Variants in ATR observed in about 807,000 individuals in gnomAD.
The protein encoded by ATR is ATR checkpoint kinase.
Under a neutral mutation model 305.3 loss-of-function variants are expected in ATR, and 142 were observed. The observed-to-expected ratio is 0.47, with a 90% CI of 0.41 to 0.53. The LOEUF is 0.53. ATR is among the 20% of genes least tolerant of loss of function. The pLI is 0.00. For synonymous variants in ATR, 1,050 were observed against 1,068.1 expected, an observed-to-expected ratio of 0.98 and a Z score of 0.33; for missense variants, 2,135 against 3,133.1, an observed-to-expected ratio of 0.68 and a Z score of 7.60.
intron 36 of ATR, among the ~76,000 whole-genome samples, chr3:142,480,553 C>T (rs1232113421): frequency 3.3e-5 from 5 of 152,230 alleles, no homozygotes; most frequent in African/African-American, 4.8e-5. Context: ...CTTGAGGAGG[C>T]AGTCTGTCAG....
rs765718925 is a variant in ATR, at chr3:142,562,608, G to A, written c.794C>T (p.Pro265Leu). The A allele has an allele frequency of 6.2e-7, 1 of 1,614,050 alleles. No individual in the cohort carries two copies. The highest frequency in any genetic ancestry group is 1.1e-5 in the South Asian group (1 of 91,066). ...LFQLGGLPAQ[P>L]ASTFFSSFLE... ...AAATGAGCTGAAAAAAGTGCTAGCT[G>A]GTTGTGCTGGTAGTCCTCCAAGCTG... Residue 265 changes from proline to leucine, a missense_variant, in exon 4 of 47, where the codon CCA becomes CTA. Transcript: ENST00000350721.
chr3:142,572,372 C>CTTTTTTTTTTTTT (rs11318957), intron 1 of ATR, among the ~76,000 whole-genome samples: 9 of 56,810 alleles, frequency 1.6e-4, no homozygotes, highest in African/African-American at 2.0e-4. Context: ...CCCGGCCTGA[C>CTTTTTTTTTTTTT]TTTTTTTTTT....
intron 8 of ATR, among the ~76,000 whole-genome samples, chr3:142,557,149 C>T (rs78245146): frequency 0.051 from 7,764 of 151,900 alleles, 674 homozygotes; most frequent in African/African-American, 0.18. Context: ...GCATAAGATT[C>T]CCCATTTCTT....
At chr3:142,525,958 C>A (rs983858584) in intron 21 of ATR, among the ~76,000 whole-genome samples, 1 of 152,174 alleles carries the variant, frequency 6.6e-6, no homozygotes, top group Non-Finnish European at 1.5e-5. Context: ...GGGTAATTTA[C>A]TATAATTCCT....
In ATR at chr3:142,459,195, C is replaced by T. The variant is rs757460513; in HGVS notation, c.7349+32G>A. The T allele has an allele frequency of 6.2e-6, 10 of 1,613,298 alleles. No homozygotes were observed. In the Admixed American group the frequency reaches 1.7e-4, roughly 27 times the overall value. On this transcript the variant is annotated intron_variant, in intron 43 of 46. Transcript: ENST00000350721. ...AAAATATTAAAAATAAACATTCAAC[C>T]ATAACAACGTATTATATTCTTGGTA... is the stretch of plus-strand genomic sequence containing the variant.
chr3:142,512,525 T>G, intron 26 of ATR, 55 bp from the exon 27 acceptor site: 1 of 1,379,960 alleles, frequency 7.2e-7, no homozygotes, highest in Non-Finnish European at 9.8e-7. Context: ...ATTTAACTAT[T>G]ATATGACATC....
At chr3:142,530,203 C>T (rs1014077023) in intron 21 of ATR, among the ~76,000 whole-genome samples, 2 of 151,942 alleles carry the variant, frequency 1.3e-5, no homozygotes, top group African/African-American at 4.8e-5. Flanking sequence ...ATATATTCTC[C>T]CCTGTAGTTC....
chr3:142,529,596 C>T (rs1038159555), intron 21 of ATR, among the ~76,000 whole-genome samples: 1 of 152,140 alleles, frequency 6.6e-6, no homozygotes, highest in African/African-American at 2.4e-5. Context: ...TCTAATACAT[C>T]TCTTAGGAAG....
intron 24 of ATR, among the ~76,000 whole-genome samples, chr3:142,516,988 T>TAC (rs1191366874): frequency 4.7e-5 from 7 of 147,558 alleles, no homozygotes; most frequent in African/African-American, 9.9e-5. Flanking sequence ...CCAAATAATA[T>TAC]ATATATATAT....
chr3:142,549,282 A>G (rs2034391071), intron 15 of ATR, among the ~76,000 whole-genome samples, 197 bp downstream of exon 15: 1 of 152,174 alleles, frequency 6.6e-6, no homozygotes, highest in Admixed American at 6.5e-5. Context: ...ATTATGGTGA[A>G]ATGATCAAAG....
intron 36 of ATR, among the ~76,000 whole-genome samples, chr3:142,480,867 G>A (rs2030395605): frequency 6.6e-6 from 1 of 152,206 alleles, no homozygotes. Context: ...AGGCTCCGTG[G>A]GCATGGGACC....
chr3:142,494,879 G>A (rs1383162242), intron 34 of ATR, among the ~76,000 whole-genome samples: 1 of 152,148 alleles, frequency 6.6e-6, no homozygotes, highest in Admixed American at 6.5e-5. Context: ...ACGTATACAG[G>A]GAAATGGTGA....
intron 21 of ATR, among the ~76,000 whole-genome samples, chr3:142,534,220 C>T (rs146585261): frequency 5.5e-4 from 84 of 152,184 alleles, no homozygotes; most frequent in Admixed American, 9.8e-4. Context: ...GGAATAGAGG[C>T]TGTAACGTTG....
chr3:142,541,153 C>T lies in ATR; in HGVS notation c.3451-119G>A, dbSNP rs138093291. On this transcript the variant is annotated intron_variant, in intron 17 of 46. Transcript: ENST00000350721. ...GGGTGTCATCTATTCTCAGATAATA[C>T]AAAAGATTGAATAAATGTTGGCCAG... 1.2e-3 allele frequency: 1,523 copies of T among 1,286,494 alleles called. 11 individuals carry two copies. In the African/African-American group the frequency reaches 0.02, roughly 17 times the overall value. 79.7% of individuals were successfully genotyped at this position (1,286,494 alleles called of 1,614,324 possible). A position where few individuals can be genotyped will look rare whatever the true frequency, so the allele number is the denominator to read the frequency against.
chr3:142,562,654 T>C lies in ATR; in HGVS notation c.748A>G (p.Ser250Gly), dbSNP rs1348254360. ...AGCTGAAAAAGTTCTGTTAAAAAGC[T>C]AATTGCTAGGGATTTAATTTTTGGA... ...GSPKIKSLAI[S>G]FLTELFQLGG... The change falls in exon 4 of 47, where the codon AGC becomes GGC. Residue 250 changes from serine to glycine, a missense_variant. Around this residue, in one of 9 missense-constraint regions of ATR, gnomAD observed 744 missense variants for 873.2 expected, o/e 0.85. Transcript: ENST00000350721. 1.2e-6 allele frequency: 2 copies of C among 1,614,126 alleles called. No individual in the cohort carries two copies. Among genetic ancestry groups the C allele is most frequent in the South Asian group, 2.2e-5 (2 of 91,084 alleles).
intron 21 of ATR, among the ~76,000 whole-genome samples, chr3:142,530,679 A>G (rs2033604635): frequency 1.3e-5 from 2 of 151,786 alleles, no homozygotes; most frequent in Non-Finnish European, 2.9e-5. Flanking sequence ...GATTTTGTAC[A>G]TTTCTTTTAC....
chr3:142,542,740 G>T lies in ATR; in HGVS notation c.3375C>A (p.Pro1125=). Residue 1125 remains proline (P), a synonymous_variant, in exon 17 of 47, where the codon CCC becomes CCA. Coordinates refer to ENST00000350721, the MANE Select transcript of ATR (RefSeq NM_001184.4). ...AAAAAGCCAAAATGCCCAACAATTT[G>T]GGTTGTAAATAATCAGCCTAAGAAA... ...SPELMADYLQ[P]KLLGILAFFN... The T allele has an allele frequency of 6.2e-7, 1 of 1,612,440 alleles. No homozygotes were observed. The highest frequency in any genetic ancestry group is 8.5e-7 in the Non-Finnish European group (1 of 1,179,006).
At chr3:142,550,717 T>A (rs2034442300) in intron 13 of ATR, among the ~76,000 whole-genome samples, 1 of 152,068 alleles carries the variant, frequency 6.6e-6, no homozygotes, top group Admixed American at 6.5e-5. Flanking sequence ...CAGACCAATA[T>A]CCTAAAATAT....
rs2034573671 is a variant in ATR at position 142,554,008 on chromosome 3, T to C, written c.2349A>G (p.Ile783Met). The C allele has an allele frequency of 6.2e-7, 1 of 1,606,290 alleles. No homozygotes were observed. The highest frequency in any genetic ancestry group is 8.5e-7 in the Non-Finnish European group (1 of 1,175,806). Residue 783 changes from isoleucine (I) to methionine (M), a missense_variant, in exon 11 of 47, where the codon ATA becomes ATG. By Grantham distance (10) the Ile-to-Met change is conservative. Coordinates refer to ENST00000350721, the MANE Select transcript of ATR (RefSeq NM_001184.4). ...KIPSPVKLAFIDNLHHLCKHL... is the reference protein window; with the variant it reads ...KIPSPVKLAFMDNLHHLCKHL... ...GCTTACAAAGATGATGTAGATTATC[T>C]ATGAAAGCTGAAGGACAAGAGTATA...
Sources: allele counts gnomAD v4.1 joint callset (sites outside exome capture counted in the v4.1 genomes callset), GRCh38; gene constraint gnomAD v4.1.1; regional missense constraint gnomAD v4.1.1; transcripts MANE v1.5; gene names NCBI Gene and HGNC (gene_info 2026-07-23, HGNC 2026-07-21).